The following MACC1 variants were observed in gnomAD, a reference collection of about 807,000 sequenced individuals.
The protein encoded by MACC1 is MET transcriptional regulator MACC1, also known as metastasis-associated in colon cancer protein 1.
MACC1 carries 79 observed loss-of-function variants against 70.7 expected under a neutral mutation model. The ratio of observed to expected loss-of-function variants is 1.12; its 90% CI spans 0.93 to 1.35. The LOEUF (loss-of-function observed/expected upper bound fraction) is 1.35, where lower values mean the gene tolerates loss of function less well. MACC1 is among the 40% of genes most tolerant of loss of function. The pLI is 0.00. For missense variants in MACC1, 1,106 were observed against 978.1 expected, an observed-to-expected ratio of 1.13 and a Z score of -1.74; for synonymous variants, 361 against 347.2, an observed-to-expected ratio of 1.04 and a Z score of -0.44.
intron 1 of MACC1, among the ~76,000 whole-genome samples, chr7:20,180,496 T>C (rs895423122): frequency 6.6e-6 from 1 of 151,360 alleles, no homozygotes; most frequent in Admixed American, 6.6e-5. Flanking sequence ...TAGCAAAGCA[T>C]ATAAATAGCA....
At chr7:20,178,284 CACACACACACACACT>C (rs1562593169) in intron 1 of MACC1, among the ~76,000 whole-genome samples, 9 of 152,030 alleles carry the variant, frequency 5.9e-5, no homozygotes, top group African/African-American at 1.4e-4. Flanking sequence ...CACACACACA[CACACACACACACACT>C]CCAGAGAATA....
chr7:20,207,159 T>C (rs888942676), intron 1 of MACC1, among the ~76,000 whole-genome samples: 10 of 152,064 alleles, frequency 6.6e-5, no homozygotes, highest in Non-Finnish European at 1.3e-4. Context: ...TTTTTTTTTT[T>C]AGACAGAGTC....
chr7:20,186,751 T>C (rs1383234423), intron 1 of MACC1, among the ~76,000 whole-genome samples: 1 of 152,120 alleles, frequency 6.6e-6, no homozygotes, highest in African/African-American at 2.4e-5. Flanking sequence ...AAGATGTTAA[T>C]CTCTACACAA....
chr7:20,151,436 G>A lies in MACC1; in HGVS notation c.2346+2757C>T, dbSNP rs1261137368. ...TTGGCAATAGTGACATCTTTGTATA[G>A]TGTAAGTGCATTTTTTCTGAAAGAA... On this transcript the variant is annotated intron_variant, in intron 6 of 6. Coordinates refer to ENST00000400331, the MANE Select transcript of MACC1 (RefSeq NM_182762.4). Among the ~76,000 whole-genome samples, 5 of 152,272 alleles carry A rather than the reference G, an allele frequency of 3.3e-5. No individual in the cohort carries two copies. The East Asian group carries it at 9.6e-4, about 29-fold the overall frequency.
intron 1 of MACC1, among the ~76,000 whole-genome samples, chr7:20,208,973 G>A (rs1354195768): frequency 1.3e-5 from 2 of 152,238 alleles, no homozygotes; most frequent in Non-Finnish European, 2.9e-5. Flanking sequence ...CAAGCCCCAA[G>A]CCTTGGTGGC....
chr7:20,185,387 T>C (rs531372023), intron 1 of MACC1, among the ~76,000 whole-genome samples: 69 of 152,126 alleles, frequency 4.5e-4, no homozygotes, highest in Admixed American at 8.5e-4. Flanking sequence ...GAAATTGACA[T>C]GTAATCATAG....
chr7:20,166,369 A>G (rs1054066122), intron 2 of MACC1, among the ~76,000 whole-genome samples: 5 of 152,172 alleles, frequency 3.3e-5, no homozygotes, highest in Non-Finnish European at 5.9e-5. Flanking sequence ...AAAGGCCCAC[A>G]AAGGAATCAT....
chr7:20,206,538 A>G (rs944771771), intron 1 of MACC1, among the ~76,000 whole-genome samples: 14 of 152,084 alleles, frequency 9.2e-5, no homozygotes. Flanking sequence ...CATTAATGTT[A>G]TTACATCAGA....
intron 1 of MACC1, among the ~76,000 whole-genome samples, chr7:20,182,918 T>C (rs964714939): frequency 6.6e-6 from 1 of 152,082 alleles, no homozygotes; most frequent in African/African-American, 2.4e-5. Flanking sequence ...CTGTAGAAAA[T>C]TCTTATTCTG....
At chr7:20,165,122 A>G (rs868593699) in intron 2 of MACC1, among the ~76,000 whole-genome samples, 3 of 152,280 alleles carry the variant, frequency 2.0e-5, no homozygotes, top group Non-Finnish European at 2.9e-5. Flanking sequence ...TTTGTGGATT[A>G]TCCTTATTCT....
rs549569193 is a variant in MACC1 at position 20,168,685 on chromosome 7, T to C, written c.-153+2029A>G. On this transcript the variant is annotated intron_variant, in intron 2 of 6. Coordinates refer to ENST00000400331, the MANE Select transcript of MACC1 (RefSeq NM_182762.4). Reference sequence around the variant, plus strand: ...TTCTGTCAAGTCAGGTGGAGAAGAGTGGGCCCAGCTAGACAGCTATCTGCC... The same window carrying C: ...TTCTGTCAAGTCAGGTGGAGAAGAGCGGGCCCAGCTAGACAGCTATCTGCC... 4.6e-5 allele frequency among the ~76,000 whole-genome samples: 7 copies of C among 152,192 alleles called. No homozygotes were observed. In the South Asian group the frequency reaches 1.5e-3, roughly 32 times the overall value.
intron 6 of MACC1, among the ~76,000 whole-genome samples, chr7:20,145,101 G>A (rs980353004): frequency 1.3e-5 from 2 of 152,142 alleles, no homozygotes; most frequent in South Asian, 2.1e-4. Flanking sequence ...TGTACGATCG[G>A]AATATTTACA....
At chr7:20,195,114 T>A (rs945169618) in intron 1 of MACC1, among the ~76,000 whole-genome samples, 2 of 152,146 alleles carry the variant, frequency 1.3e-5, no homozygotes, top group Non-Finnish European at 2.9e-5. Flanking sequence ...AAAACAAGTA[T>A]CCCCTATGCT....
chr7:20,153,057 A>C (rs1251002529), intron 6 of MACC1, among the ~76,000 whole-genome samples: 1 of 152,178 alleles, frequency 6.6e-6, no homozygotes, highest in African/African-American at 2.4e-5. Flanking sequence ...ATAGGCTGTA[A>C]TGCCCTTCTA....
intron 1 of MACC1, among the ~76,000 whole-genome samples, chr7:20,178,677 G>T (rs57619292): frequency 0.011 from 1,725 of 152,232 alleles, 32 homozygotes; most frequent in African/African-American, 0.04. Context: ...TCGGCTCACC[G>T]CAACCTCTGC....
At chr7:20,145,100 G>A (rs558911660) in intron 6 of MACC1, among the ~76,000 whole-genome samples, 5 of 152,234 alleles carry the variant, frequency 3.3e-5, no homozygotes, top group South Asian at 4.1e-4. Flanking sequence ...ATGTACGATC[G>A]GAATATTTAC....
In MACC1 at chr7:20,161,870, C is replaced by G. The variant is rs761933038; in HGVS notation, c.-8G>C. 1.9e-6 allele frequency: 3 copies of G among 1,565,328 alleles called. No individual in the cohort carries two copies. In the African/African-American group the frequency reaches 4.1e-5, roughly 21 times the overall value. Reference sequence around the variant, plus strand: ...TCTTTCAGTGATTAGCATTTTTCCACCTACAAAGTAAATAGATAAGTATTT... The same window carrying G: ...TCTTTCAGTGATTAGCATTTTTCCAGCTACAAAGTAAATAGATAAGTATTT... On this transcript the variant is annotated splice_region_variant and 5_prime_UTR_variant, in exon 4 of 7. Coordinates refer to ENST00000400331, the MANE Select transcript of MACC1 (RefSeq NM_182762.4).
chr7:20,153,440 G>A (rs1233703089), intron 6 of MACC1: 1 of 152,148 alleles, frequency 6.6e-6, no homozygotes. Context: ...CAAAATGCTT[G>A]TTCATTTGAG....
Position 20,160,115 on chromosome 7 carries a change from A to G in MACC1, c.246T>C (p.Thr82=), listed in dbSNP as rs1329227051. 15 of 1,613,116 alleles carry G rather than the reference A, an allele frequency of 9.3e-6. No homozygotes were observed. In the Admixed American group the frequency reaches 2.5e-4, roughly 27 times the overall value. Residue 82 remains threonine (T), a synonymous_variant, in exon 5 of 7, where the codon ACT becomes ACC. Transcript: ENST00000400331. Reference sequence around the variant, plus strand: ...TTCTCTTCCTGTTATTTCTTAGTTGAGTTATGTCATCCAAAAATGGGTTAG... The same window carrying G: ...TTCTCTTCCTGTTATTTCTTAGTTGGGTTATGTCATCCAAAAATGGGTTAG... The part of the protein sequence containing the change: ...SASNPFLDDI[T]QLRNNRKRNN...
Sources: allele counts gnomAD v4.1 joint callset (sites outside exome capture counted in the v4.1 genomes callset), GRCh38; gene constraint gnomAD v4.1.1; transcripts MANE v1.5; gene names NCBI Gene and HGNC (gene_info 2026-07-23, HGNC 2026-07-21).